Variants in EPHB1 observed in about 807,000 individuals in gnomAD.
The protein encoded by EPHB1 is ephrin type-B receptor 1.
In EPHB1, 30 loss-of-function variants were observed where a neutral mutation model predicts 94.4. That is an observed-to-expected ratio of 0.32 (90% CI 0.24 to 0.43). The LOEUF (loss-of-function observed/expected upper bound fraction) is 0.43. Ranked by LOEUF, EPHB1 falls within the 20% of genes least tolerant of loss-of-function variation. The pLI, the probability that EPHB1 is intolerant of heterozygous loss-of-function variation, is 1.00. For missense variants in EPHB1, 1,055 were observed against 1,308.3 expected (o/e 0.81, Z 2.99); for synonymous variants, 522 against 489.1 (o/e 1.07, Z -0.89).
chr3:134,807,864 G>A (rs1423490007), intron 1 of EPHB1, among the ~76,000 whole-genome samples: 2 of 152,170 alleles, frequency 1.3e-5, no homozygotes. Context: ...TGACAGAGGA[G>A]CTCCCTGACG....
At chr3:134,869,116 G>A (rs1163291166) in intron 1 of EPHB1, among the ~76,000 whole-genome samples, 1 of 152,208 alleles carries the variant, frequency 6.6e-6, no homozygotes, top group Non-Finnish European at 1.5e-5. Flanking sequence ...TGTTAGCTTT[G>A]ATGATGATGA....
intron 4 of EPHB1, among the ~76,000 whole-genome samples, chr3:135,114,387 C>G (rs1237244557): frequency 6.6e-6 from 1 of 151,630 alleles, no homozygotes; most frequent in Non-Finnish European, 1.5e-5. Context: ...CCTCACTGCA[C>G]TGTTGTGGGA....
At chr3:135,165,067 T>C (rs1941614455) in intron 7 of EPHB1, among the ~76,000 whole-genome samples, 1 of 152,242 alleles carries the variant, frequency 6.6e-6, no homozygotes, top group Non-Finnish European at 1.5e-5. Context: ...TTGACTTCTC[T>C]ATGCCTAGGT....
At chr3:134,968,715 A>T (rs916526528) in intron 3 of EPHB1, among the ~76,000 whole-genome samples, 1 of 152,146 alleles carries the variant, frequency 6.6e-6, no homozygotes, top group South Asian at 2.1e-4. Flanking sequence ...CTACCCCTCT[A>T]TAGTCTCCTG....
chr3:134,987,528 G>A (rs555410868), intron 3 of EPHB1, among the ~76,000 whole-genome samples: 1 of 152,310 alleles, frequency 6.6e-6, no homozygotes, highest in African/African-American at 2.4e-5. Flanking sequence ...GGGAGGCTGA[G>A]GCTGGCGGAT....
intron 1 of EPHB1, among the ~76,000 whole-genome samples, chr3:134,800,351 T>C (rs1346416508): frequency 1.3e-5 from 2 of 152,236 alleles, no homozygotes; most frequent in African/African-American, 4.8e-5. Context: ...AATATATAGC[T>C]AATCCTTAAA....
intron 4 of EPHB1, among the ~76,000 whole-genome samples, chr3:135,117,179 GAAT>G (rs781695286): frequency 6.6e-6 from 1 of 152,206 alleles, no homozygotes; most frequent in Non-Finnish European, 1.5e-5. Flanking sequence ...GAGGGTTTCT[GAAT>G]AATGTATGAA....
At chr3:135,037,681 G>T (rs1326156256) in intron 3 of EPHB1, among the ~76,000 whole-genome samples, 13 of 152,160 alleles carry the variant, frequency 8.5e-5, no homozygotes, top group Admixed American at 8.5e-4. Context: ...CTAAAAGTTT[G>T]CACTGTATCT....
At chr3:134,865,689 C>G (rs1412478524) in intron 1 of EPHB1, among the ~76,000 whole-genome samples, 6 of 151,420 alleles carry the variant, frequency 4.0e-5, no homozygotes, top group African/African-American at 1.2e-4. Flanking sequence ...AAGGGGCACT[C>G]TCAGTGACCT....
chr3:135,152,787 G>A (rs753163813), intron 5 of EPHB1, among the ~76,000 whole-genome samples: 14 of 152,140 alleles, frequency 9.2e-5, no homozygotes, highest in Non-Finnish European at 1.6e-4. Context: ...GGGAATCAGG[G>A]CCTCTGTGTG....
chr3:134,959,994 T>C (rs1433901048), intron 3 of EPHB1, among the ~76,000 whole-genome samples: 1 of 56,404 alleles, frequency 1.8e-5, no homozygotes, highest in Admixed American at 1.9e-4. Flanking sequence ...TTTTTTTTTT[T>C]TTTTTTTTTT....
intron 1 of EPHB1, among the ~76,000 whole-genome samples, chr3:134,864,492 T>C (rs1390837869): frequency 6.6e-6 from 1 of 152,172 alleles, no homozygotes; most frequent in African/African-American, 2.4e-5. Flanking sequence ...GACAATCCTC[T>C]CTCATTCTGT....
At chr3:134,824,419 G>A (rs116011323) in intron 1 of EPHB1, among the ~76,000 whole-genome samples, 2 of 152,126 alleles carry the variant, frequency 1.3e-5, no homozygotes, top group African/African-American at 2.4e-5. Context: ...GCACACAGCA[G>A]CACATCACTA....
intron 4 of EPHB1, among the ~76,000 whole-genome samples, chr3:135,108,725 C>A (rs1047350793): frequency 5.3e-5 from 8 of 152,308 alleles, no homozygotes; most frequent in African/African-American, 1.7e-4. Context: ...TTCTCTCCCC[C>A]CTTCACTTCT....
intron 1 of EPHB1, among the ~76,000 whole-genome samples, chr3:134,821,821 G>A (rs2036386738): frequency 6.6e-6 from 1 of 152,182 alleles, no homozygotes; most frequent in African/African-American, 2.4e-5. Flanking sequence ...CTGTTGTGAT[G>A]CCTTTGGGAT....
intron 10 of EPHB1, among the ~76,000 whole-genome samples, chr3:135,188,551 A>C (rs368691233): frequency 1.3e-5 from 2 of 152,234 alleles, no homozygotes; most frequent in Non-Finnish European, 2.9e-5. Context: ...AACAGTTTGT[A>C]GTTTACAAAG....
chr3:134,964,628 G>T (rs1361048950), intron 3 of EPHB1, among the ~76,000 whole-genome samples: 1 of 152,218 alleles, frequency 6.6e-6, no homozygotes, highest in African/African-American at 2.4e-5. Context: ...TTCTGGGTCT[G>T]TCACACACAT....
chr3:135,030,578 C>T lies in EPHB1; in HGVS notation c.806-75870C>T, dbSNP rs569571203. 2.0e-4 allele frequency among the ~76,000 whole-genome samples: 31 copies of T among 152,328 alleles called. 1 individual carries two copies. In the South Asian group the frequency reaches 5.4e-3, roughly 26 times the overall value. On this transcript the variant is annotated intron_variant, in intron 3 of 15. Transcript: ENST00000398015. The stretch of plus-strand genomic sequence containing the variant: ...GACCCACTTGAGGAGGCAGTCTGCC[C>T]GTTCTCAGATCTCCAGCTGCGTCCT...
chr3:135,211,123 G>T (rs1393902901), intron 12 of EPHB1, among the ~76,000 whole-genome samples: 1 of 152,020 alleles, frequency 6.6e-6, no homozygotes, highest in Non-Finnish European at 1.5e-5. Flanking sequence ...TAATATATAC[G>T]TCTTAATTTT....
Sources: allele counts gnomAD v4.1 joint callset (sites outside exome capture counted in the v4.1 genomes callset), GRCh38; gene constraint gnomAD v4.1.1; transcripts MANE v1.5; gene names NCBI Gene and HGNC (gene_info 2026-07-23, HGNC 2026-07-21).